SPATA17: variants seen among roughly 807,000 people sequenced by gnomAD.
SPATA17 encodes the protein spermatogenesis associated 17.
In SPATA17, 53 loss-of-function variants were observed where a neutral mutation model predicts 62.2. The ratio of observed to expected loss-of-function variants is 0.85; its 90% CI spans 0.68 to 1.07. The LOEUF (loss-of-function observed/expected upper bound fraction) is 1.07. Ranked by LOEUF, SPATA17 falls within the 50% of genes least tolerant of loss-of-function variation. The pLI is 0.00. For missense variants in SPATA17, 466 were observed against 425.5 expected (o/e 1.10, Z -0.84); for synonymous variants, 146 against 146.8 (o/e 0.99, Z 0.04).
intron 5 of SPATA17, among the ~76,000 whole-genome samples, chr1:217,698,327 G>A (rs572244233): frequency 2.6e-5 from 4 of 152,016 alleles, no homozygotes; most frequent in East Asian, 1.9e-4. Flanking sequence ...CCAGCTGCTC[G>A]GGAGGCTGAG....
chr1:217,793,504 G>A (rs373307607), intron 8 of SPATA17, among the ~76,000 whole-genome samples: 38 of 152,178 alleles, frequency 2.5e-4, no homozygotes, highest in African/African-American at 7.7e-4. Context: ...ACAGGCGTGC[G>A]CCACCGTGCC....
intron 9 of SPATA17, among the ~76,000 whole-genome samples, chr1:217,853,211 G>T (rs371610524): frequency 1.3e-5 from 2 of 152,058 alleles, no homozygotes; most frequent in African/African-American, 4.8e-5. Flanking sequence ...GAACATCTAG[G>T]TTTAGTAGAG....
intron 9 of SPATA17, among the ~76,000 whole-genome samples, chr1:217,811,348 C>G (rs934926674): frequency 6.6e-6 from 1 of 152,088 alleles, no homozygotes; most frequent in Non-Finnish European, 1.5e-5. Context: ...TTCTTTAAAT[C>G]ATAATAAATC....
chr1:217,650,088 T>G (rs980172486), intron 2 of SPATA17, among the ~76,000 whole-genome samples: 1 of 151,800 alleles, frequency 6.6e-6, no homozygotes, highest in African/African-American at 2.4e-5. Flanking sequence ...TACAGGCATG[T>G]GCCACCATGC....
chr1:217,641,818 A>G (rs1670069825), intron 1 of SPATA17, among the ~76,000 whole-genome samples: 1 of 152,140 alleles, frequency 6.6e-6, no homozygotes, highest in Non-Finnish European at 1.5e-5. Context: ...AGAAATTAAC[A>G]TTGGCACATT....
chr1:217,636,539 A>G (rs1669947153), intron 1 of SPATA17, among the ~76,000 whole-genome samples: 1 of 152,104 alleles, frequency 6.6e-6, no homozygotes, highest in Non-Finnish European at 1.5e-5. Flanking sequence ...CAGACTCCTG[A>G]GTAGCTGGGA....
intron 3 of SPATA17, among the ~76,000 whole-genome samples, chr1:217,667,133 C>T (rs1179743873): frequency 1.3e-5 from 2 of 149,892 alleles, no homozygotes; most frequent in Non-Finnish European, 1.5e-5. Context: ...CTGCAACCTC[C>T]GCCTCCCAGG....
At chr1:217,838,399 T>C (rs2103005406) in intron 9 of SPATA17, among the ~76,000 whole-genome samples, 1 of 152,260 alleles carries the variant, frequency 6.6e-6, no homozygotes, top group East Asian at 1.9e-4. Flanking sequence ...TTTCTTCAGC[T>C]ATGTCTGCGT....
intron 6 of SPATA17, among the ~76,000 whole-genome samples, chr1:217,757,091 A>T (rs532650033): frequency 4.3e-4 from 65 of 152,294 alleles, no homozygotes; most frequent in African/African-American, 1.5e-3. Flanking sequence ...AGACATTAAT[A>T]TAGTTAATGG....
chr1:217,844,607 T>C (rs751188427), intron 9 of SPATA17, among the ~76,000 whole-genome samples: 14 of 152,078 alleles, frequency 9.2e-5, no homozygotes, highest in Non-Finnish European at 1.8e-4. Context: ...AGCAATAACA[T>C]AGAAGAAACG....
chr1:217,846,260 T>C (rs967937180), intron 9 of SPATA17, among the ~76,000 whole-genome samples: 1 of 152,080 alleles, frequency 6.6e-6, no homozygotes, highest in African/African-American at 2.4e-5. Context: ...ATATATAAAG[T>C]ATTATGCATT....
intron 1 of SPATA17, among the ~76,000 whole-genome samples, chr1:217,640,885 T>A (rs1670046678): frequency 6.6e-6 from 1 of 152,088 alleles, no homozygotes; most frequent in Non-Finnish European, 1.5e-5. Flanking sequence ...TGGAATTAGA[T>A]AGATCTGGAA....
At chr1:217,803,891 G>T (rs910368959) in intron 9 of SPATA17, among the ~76,000 whole-genome samples, 13 of 152,042 alleles carry the variant, frequency 8.6e-5, no homozygotes, top group Non-Finnish European at 1.5e-4. Context: ...GGTGGTGCCT[G>T]CCTGTAGTCC....
chr1:217,730,469 C>T (rs1672378832), intron 5 of SPATA17, among the ~76,000 whole-genome samples: 1 of 152,014 alleles, frequency 6.6e-6, no homozygotes, highest in East Asian at 1.9e-4. Flanking sequence ...TATCTATACA[C>T]CTTGGCCTCC....
intron 8 of SPATA17, among the ~76,000 whole-genome samples, chr1:217,798,354 G>C (rs1177892246): frequency 6.6e-6 from 1 of 152,062 alleles, no homozygotes; most frequent in African/African-American, 2.4e-5. Flanking sequence ...AAGGATAGGA[G>C]GTTTTCAAAC....
chr1:217,704,389 T>A (rs1420438515), intron 5 of SPATA17, among the ~76,000 whole-genome samples: 1 of 151,048 alleles, frequency 6.6e-6, no homozygotes, highest in Middle Eastern at 3.4e-3. Context: ...TAGCTGGGAC[T>A]ACAGGCGCCC....
At chr1:217,662,874 T>C (rs1318887259) in intron 3 of SPATA17, among the ~76,000 whole-genome samples, 3 of 152,132 alleles carry the variant, frequency 2.0e-5, no homozygotes, top group South Asian at 2.1e-4. Context: ...AAATCAGTTA[T>C]AAGATAATAA....
rs750665329 is a variant in SPATA17 at position 217,714,488 on chromosome 1, C to CTTTTTTTTTTTTTTTTTTTT, written c.396-27473_396-27472insTTTTTTTTTTTTTTTTTTTT. On this transcript the variant is annotated intron_variant, in intron 5 of 10. Transcript: ENST00000366933. ...TGAGTTGAACGTGGAAAACGTGTTTCTTTTTTTTTTTTTTGAGACAGAGTC... is the reference window on the plus strand; with the variant it reads ...TGAGTTGAACGTGGAAAACGTGTTTCTTTTTTTTTTTTTTTTTTTTTTTTTTTTTTTTTTGAGACAGAGTC... 6.9e-4 allele frequency among the ~76,000 whole-genome samples: 84 copies of CTTTTTTTTTTTTTTTTTTTT among 121,396 alleles called. 8 individuals are homozygous for CTTTTTTTTTTTTTTTTTTTT. The highest frequency in any genetic ancestry group is 1.0e-3 in the Non-Finnish European group (59 of 58,244). The allele number at this position is 121,396 out of a possible 152,430, so 79.6% of individuals were successfully genotyped here.
chr1:217,687,593 T>A (rs531165735), intron 5 of SPATA17, among the ~76,000 whole-genome samples: 1 of 152,308 alleles, frequency 6.6e-6, no homozygotes, highest in Admixed American at 6.5e-5. Context: ...CATATAGTAT[T>A]CGGTACAGCA....
Sources: gnomAD v4.1 joint callset for allele counts (sites outside exome capture counted in the v4.1 genomes callset) on GRCh38, gnomAD v4.1.1 for gene constraint, MANE v1.5 for transcripts, NCBI Gene and HGNC (gene_info 2026-07-23, HGNC 2026-07-21) for gene names.